ZMAT5: variants seen among roughly 807,000 people sequenced by gnomAD.
ZMAT5 encodes the protein zinc finger matrin-type protein 5.
A neutral mutation model predicts 28.0 loss-of-function variants in ZMAT5; 23 were observed. The observed-to-expected ratio is 0.82, with a 90% confidence interval of 0.59 to 1.16. ZMAT5 has a LOEUF of 1.16. Ranked by LOEUF, ZMAT5 falls within the 50% of genes most tolerant of loss-of-function variation. ZMAT5 has a pLI of 0.00. For missense variants in ZMAT5, 173 were observed against 212.7 expected (o/e 0.81, Z 1.16); for synonymous variants, 76 against 84.1 (o/e 0.90, Z 0.52).
intron 1 of ZMAT5, among the ~76,000 whole-genome samples, chr22:29,754,430 T>C (rs571678637): frequency 6.6e-6 from 1 of 152,334 alleles, no homozygotes; most frequent in Admixed American, 6.5e-5. Flanking sequence ...GGACAACCTC[T>C]GGGTCACATG....
chr22:29,734,242 G>T (rs554771357), intron 5 of ZMAT5, among the ~76,000 whole-genome samples: 1 of 152,360 alleles, frequency 6.6e-6, no homozygotes, highest in South Asian at 2.1e-4. Flanking sequence ...TGCGGAGGGG[G>T]ATAAGAGCTA....
intron 4 of ZMAT5, among the ~76,000 whole-genome samples, 189 bp from the exon 5 acceptor site, chr22:29,738,630 C>T (rs945836207): frequency 6.6e-6 from 1 of 152,112 alleles, no homozygotes. Flanking sequence ...CTCGGCCTCG[C>T]TCTGTTTTCC....
At chr22:29,750,857 T>C (rs1050773548) in intron 1 of ZMAT5, among the ~76,000 whole-genome samples, 12 of 152,002 alleles carry the variant, frequency 7.9e-5, no homozygotes, top group Non-Finnish European at 1.2e-4. Context: ...AGCAGGTTGA[T>C]GGAGAAAGCC....
At chr22:29,755,972 G>A (rs2068098100) in intron 1 of ZMAT5, among the ~76,000 whole-genome samples, 3 of 152,254 alleles carry the variant, frequency 2.0e-5, no homozygotes, top group Admixed American at 2.0e-4. Context: ...CTGCTACAGG[G>A]CAAACATTTG....
chr22:29,731,602 C>T (rs989586698), intron 5 of ZMAT5: 5 of 464,696 alleles, frequency 1.1e-5, no homozygotes, highest in Middle Eastern at 5.4e-4. Context: ...GAATAACCTT[C>T]GTGTCCACCT....
rs973124759 is a variant in ZMAT5, at chr22:29,738,530, G to A, written c.272-89C>T. 20 of 1,207,402 alleles carry A rather than the reference G, an allele frequency of 1.7e-5. No homozygotes were observed. In the Admixed American group the frequency reaches 3.7e-4, roughly 22 times the overall value. The allele number at this position is 1,207,402 out of a possible 1,614,324, so 74.8% of individuals were successfully genotyped here. A position where few individuals can be genotyped will look rare whatever the true frequency, so the allele number is the denominator to read the frequency against. On this transcript the variant is annotated intron_variant, in intron 4 of 5. Transcript: ENST00000344318. Reference sequence around the variant, plus strand: ...CTCACAAAGCAGAAGCAACTGGTAGGCCCTGAGCAAGCCTGGGAAGTTGCA... The same window carrying A: ...CTCACAAAGCAGAAGCAACTGGTAGACCCTGAGCAAGCCTGGGAAGTTGCA...
At chr22:29,736,743 G>T (rs1012299165) in intron 5 of ZMAT5, among the ~76,000 whole-genome samples, 1 of 112,870 alleles carries the variant, frequency 8.9e-6, no homozygotes, top group South Asian at 2.9e-4. Flanking sequence ...AAAAAAAAAA[G>T]GCTGGGCGCG....
intron 1 of ZMAT5, among the ~76,000 whole-genome samples, chr22:29,749,206 T>C (rs933346010): frequency 3.9e-5 from 6 of 152,122 alleles, no homozygotes; most frequent in African/African-American, 9.7e-5. Flanking sequence ...GTCTCCCAAG[T>C]AGCTGAGACT....
At chr22:29,761,269 C>CAAAAA (rs131283) in intron 1 of ZMAT5, among the ~76,000 whole-genome samples, 7 of 59,526 alleles carry the variant, frequency 1.2e-4, no homozygotes, top group Admixed American at 2.4e-4. Flanking sequence ...AACTCCGTCT[C>CAAAAA]AAAAAAAAAA....
At chr22:29,753,279 C>A (rs1340736004) in intron 1 of ZMAT5, among the ~76,000 whole-genome samples, 2 of 152,222 alleles carry the variant, frequency 1.3e-5, no homozygotes, top group African/African-American at 4.8e-5. Context: ...ATAATCCCAA[C>A]ACTTTGGGAG....
At chr22:29,739,689 C>T (rs1352169037) in intron 4 of ZMAT5, among the ~76,000 whole-genome samples, 6 of 152,246 alleles carry the variant, frequency 3.9e-5, no homozygotes, top group Admixed American at 2.0e-4. Context: ...ATGGGCCAGC[C>T]GTCCTCTGAG....
Position 29,731,142 on chromosome 22 carries a change from G to C in ZMAT5, c.*83C>G. ...GGCAGATGGTCTCGGAGCCTCCATG[G>C]GGCGTAGCAGGAACCGGGCTTGGCT... On this transcript the variant is annotated 3_prime_UTR_variant, in exon 6 of 6. Transcript: ENST00000344318. 1 of 1,386,600 alleles carries C rather than the reference G, an allele frequency of 7.2e-7. No homozygotes were observed. Among genetic ancestry groups the C allele is most frequent in the Non-Finnish European group, 9.5e-7 (1 of 1,058,142 alleles). 85.9% of individuals were successfully genotyped at this position (1,386,600 alleles called of 1,614,324 possible).
Position 29,755,286 on chromosome 22 carries a change from C to T in ZMAT5, c.-27-6715G>A, listed in dbSNP as rs1025922641. 6.2e-5 allele frequency among the ~76,000 whole-genome samples: 8 copies of T among 128,290 alleles called. No individual in the cohort carries two copies. In the East Asian group the frequency reaches 2.1e-3, roughly 33 times the overall value. The allele number at this position is 128,290 out of a possible 152,430, so 84.2% of individuals were successfully genotyped here. The stretch of plus-strand genomic sequence containing the variant: ...CTCCAGGCTGGGCAACAAAGTGAGA[C>T]CTTGTCAAAAAAGAAGAAAGAAAGA... On this transcript the variant is annotated intron_variant, in intron 1 of 5. Transcript: ENST00000344318.
intron 1 of ZMAT5, among the ~76,000 whole-genome samples, chr22:29,761,242 T>A (rs1321625910): frequency 8.3e-6 from 1 of 120,412 alleles, no homozygotes; most frequent in African/African-American, 3.3e-5. Flanking sequence ...CACTGCACTC[T>A]AGCCTGGTGA....
At chr22:29,743,673 C>G (rs577517601) in intron 2 of ZMAT5, among the ~76,000 whole-genome samples, 1 of 152,336 alleles carries the variant, frequency 6.6e-6, no homozygotes, top group East Asian at 1.9e-4. Context: ...CTCAAGCGAT[C>G]CTCCCCACTT....
intron 1 of ZMAT5, among the ~76,000 whole-genome samples, chr22:29,755,498 G>A (rs910796675): frequency 1.4e-4 from 22 of 152,094 alleles, no homozygotes; most frequent in Admixed American, 6.6e-5. Flanking sequence ...GGAGAAAAGA[G>A]GCTGGGGATG....
intron 1 of ZMAT5, among the ~76,000 whole-genome samples, chr22:29,764,304 G>A (rs2147241376): frequency 6.6e-6 from 1 of 152,280 alleles, no homozygotes; most frequent in East Asian, 1.9e-4. Context: ...ACAACTTCCT[G>A]CTCTGAGGGG....
At chr22:29,756,924 A>T (rs1332045828) in intron 1 of ZMAT5, among the ~76,000 whole-genome samples, 1 of 152,118 alleles carries the variant, frequency 6.6e-6, no homozygotes, top group African/African-American at 2.4e-5. Context: ...CTGTAATCCC[A>T]GCTAGTCGGG....
At chr22:29,747,875 A>G (rs1441460056) in intron 2 of ZMAT5, 3 of 176,476 alleles carry the variant, frequency 1.7e-5, no homozygotes, top group Non-Finnish European at 3.7e-5. Context: ...CTCCCCACGA[A>G]GCAGTCTGCG....
Sources: gnomAD v4.1 joint callset for allele counts (sites outside exome capture counted in the v4.1 genomes callset) on GRCh38, gnomAD v4.1.1 for gene constraint, MANE v1.5 for transcripts, NCBI Gene and HGNC (gene_info 2026-07-23, HGNC 2026-07-21) for gene names.